MPP7: variants seen among roughly 807,000 people sequenced by gnomAD.
MPP7 encodes MAGUK p55 subfamily member 7.
Under a neutral mutation model 76.5 loss-of-function variants are expected in MPP7, and 60 were observed. The observed-to-expected ratio is 0.78, with a 90% CI of 0.64 to 0.97. The LOEUF is 0.97. MPP7 is among the 50% of genes least tolerant of loss of function. The pLI, the probability that MPP7 is intolerant of heterozygous loss-of-function variation, is 0.00. For synonymous variants in MPP7, 237 were observed against 244.5 expected, an observed-to-expected ratio of 0.97 and a Z score of 0.29; for missense variants, 641 against 694.0, an observed-to-expected ratio of 0.92 and a Z score of 0.86.
intron 1 of MPP7, among the ~76,000 whole-genome samples, chr10:28,282,582 C>T (rs1840703393): frequency 6.6e-6 from 1 of 151,926 alleles, no homozygotes; most frequent in South Asian, 2.1e-4. Flanking sequence ...TGGGCAAACG[C>T]ACAATTGGGG....
intron 1 of MPP7, among the ~76,000 whole-genome samples, chr10:28,244,859 C>A (rs1461781690): frequency 6.6e-6 from 1 of 152,140 alleles, no homozygotes; most frequent in Non-Finnish European, 1.5e-5. Flanking sequence ...CCCTTCTCTG[C>A]AAGCATAGGT....
At chr10:28,177,305 G>A (rs375195930) in intron 3 of MPP7, among the ~76,000 whole-genome samples, 17 of 150,194 alleles carry the variant, frequency 1.1e-4, no homozygotes, top group Non-Finnish European at 1.3e-4. Flanking sequence ...ATGGTGGCGC[G>A]GCTGAGGCAG....
chr10:28,150,094 C>G, intron 3 of MPP7, 35 bp from the exon 4 acceptor site: 1 of 1,466,246 alleles, frequency 6.8e-7, no homozygotes, highest in South Asian at 1.1e-5. Context: ...AGTTCACCTG[C>G]TAGCAAACAA....
In MPP7 at chr10:28,215,378, T is replaced by C. The variant is rs934054630; in HGVS notation, c.38-13107A>G. Among the ~76,000 whole-genome samples the C allele has an allele frequency of 5.3e-5, 8 of 151,460 alleles. No homozygotes were observed. In the East Asian group the frequency reaches 1.4e-3, roughly 26 times the overall value. On this transcript the variant is annotated intron_variant, in intron 2 of 16. Transcript: ENST00000683449. ...AAGCAAACACAAGTTTTTTCCCCAG[T>C]GTAGGGTAGCAGCCAGATATCGATA... is the stretch of plus-strand genomic sequence containing the variant.
At chr10:28,236,617 G>A (rs1398135028) in intron 2 of MPP7, 2 of 152,036 alleles carry the variant, frequency 1.3e-5, no homozygotes, top group Non-Finnish European at 2.9e-5. Context: ...TGTATTACTT[G>A]TATAATTAGT....
At chr10:28,076,625 C>G (rs867439140) in intron 12 of MPP7, among the ~76,000 whole-genome samples, 1 of 152,114 alleles carries the variant, frequency 6.6e-6, no homozygotes, top group Admixed American at 6.6e-5. Flanking sequence ...CAGTGGCTCA[C>G]GCCTGTAATC....
chr10:28,117,389 G>A (rs1362122823), intron 11 of MPP7, among the ~76,000 whole-genome samples: 1 of 151,848 alleles, frequency 6.6e-6, no homozygotes, highest in Non-Finnish European at 1.5e-5. Context: ...AATTTTAATT[G>A]AATCAGAAAC....
intron 1 of MPP7, among the ~76,000 whole-genome samples, chr10:28,249,786 C>G (rs1032255850): frequency 1.3e-5 from 2 of 152,116 alleles, no homozygotes; most frequent in African/African-American, 2.4e-5. Flanking sequence ...GATAAGAGAG[C>G]CTGCACCTTC....
intron 1 of MPP7, among the ~76,000 whole-genome samples, chr10:28,281,721 G>A (rs904051204): frequency 6.6e-6 from 1 of 152,022 alleles, no homozygotes; most frequent in Non-Finnish European, 1.5e-5. Context: ...ACCAACTTTT[G>A]TGGTAGGTAC....
chr10:28,165,146 C>T (rs1836405387), intron 3 of MPP7, among the ~76,000 whole-genome samples: 2 of 152,090 alleles, frequency 1.3e-5, no homozygotes, highest in South Asian at 4.2e-4. Flanking sequence ...TGGGTAATGG[C>T]CCCCAAAGAT....
At chr10:28,312,571 T>C (rs1841295971) in intron 2 of MPP7, among the ~76,000 whole-genome samples, 1 of 152,134 alleles carries the variant, frequency 6.6e-6, no homozygotes, top group South Asian at 2.1e-4. Flanking sequence ...TCTCAACACT[T>C]TTTAGCCATA....
At chr10:28,180,847 C>A (rs1043144584) in intron 3 of MPP7, among the ~76,000 whole-genome samples, 1 of 152,146 alleles carries the variant, frequency 6.6e-6, no homozygotes, top group Non-Finnish European at 1.5e-5. Flanking sequence ...AAGGCTTCTG[C>A]CCAGCGGTGA....
chr10:28,078,524 T>C (rs1263278711), intron 12 of MPP7, among the ~76,000 whole-genome samples: 1 of 152,220 alleles, frequency 6.6e-6, no homozygotes, highest in Non-Finnish European at 1.5e-5. Flanking sequence ...TAATCTGGAA[T>C]TCAGGCAGTA....
intron 6 of MPP7, among the ~76,000 whole-genome samples, chr10:28,125,317 A>C (rs1373276899): frequency 7.2e-5 from 11 of 152,222 alleles, no homozygotes; most frequent in Non-Finnish European, 4.4e-5. Context: ...TTTCAGCCCA[A>C]TTTAAGGATT....
intron 2 of MPP7, among the ~76,000 whole-genome samples, chr10:28,234,920 C>T (rs988433038): frequency 2.6e-5 from 4 of 152,236 alleles, no homozygotes; most frequent in Non-Finnish European, 5.9e-5. Context: ...AGGTGATCCT[C>T]CCACCTCAGC....
rs776592238 is a variant in MPP7 at position 28,238,654 on chromosome 10, C to G, written c.-50G>C. 6.3e-7 allele frequency: 1 copy of G among 1,599,932 alleles called. No individual in the cohort carries two copies. The highest frequency in any genetic ancestry group is 2.2e-5 in the East Asian group (1 of 44,744). On this transcript the variant is annotated 5_prime_UTR_variant, in exon 2 of 17. Coordinates refer to ENST00000683449, the MANE Select transcript of MPP7 (RefSeq NM_001318170.2). ...GCCCACCGCTCTCCGGACACCCTGC[C>G]TTCGGACAGCCACAGGGAATTCCAA... is the stretch of plus-strand genomic sequence containing the variant.
At chr10:28,172,220 T>C (rs1836705813) in intron 3 of MPP7, among the ~76,000 whole-genome samples, 1 of 152,208 alleles carries the variant, frequency 6.6e-6, no homozygotes, top group Non-Finnish European at 1.5e-5. Context: ...AAATGCCAGG[T>C]AGGACCTCAA....
intron 5 of MPP7, among the ~76,000 whole-genome samples, chr10:28,132,028 G>A (rs895928041): frequency 6.6e-5 from 10 of 152,038 alleles, no homozygotes; most frequent in Middle Eastern, 3.2e-3. Flanking sequence ...GCAAGAGTGC[G>A]GGGGATGTTA....
rs1169036601 is a variant in MPP7, at chr10:28,091,374, G to A, written c.953-1533C>T. On this transcript the variant is annotated intron_variant, in intron 11 of 16. Coordinates refer to ENST00000683449, the MANE Select transcript of MPP7 (RefSeq NM_001318170.2). ...ATGATCTCGGCTCATTGCAACCTCCGCCTCCTGGGTTGAAGTGATTCCCCT... is the reference window on the plus strand; with the variant it reads ...ATGATCTCGGCTCATTGCAACCTCCACCTCCTGGGTTGAAGTGATTCCCCT... Among the ~76,000 whole-genome samples the A allele has an allele frequency of 1.1e-4, 17 of 148,146 alleles. 1 individual carries two copies.
Sources: allele counts gnomAD v4.1 joint callset (sites outside exome capture counted in the v4.1 genomes callset), GRCh38; gene constraint gnomAD v4.1.1; transcripts MANE v1.5; gene names NCBI Gene and HGNC (gene_info 2026-07-23, HGNC 2026-07-21).